Variants in PIWIL1 observed in about 807,000 individuals in gnomAD.
PIWIL1 encodes piwi like RNA-mediated gene silencing 1, also known as piwi-like protein 1.
Under a neutral mutation model 114.4 loss-of-function variants are expected in PIWIL1, and 73 were observed. That is an observed-to-expected ratio of 0.64 (90% CI 0.53 to 0.78). The LOEUF is 0.78. Ranked by LOEUF, PIWIL1 falls within the 30% of genes least tolerant of loss-of-function variation. The pLI, the probability that PIWIL1 is intolerant of heterozygous loss-of-function variation, is 0.00. For synonymous variants in PIWIL1, 375 were observed against 369.0 expected, an observed-to-expected ratio of 1.02 and a Z score of -0.19; for missense variants, 723 against 1,063.1, an observed-to-expected ratio of 0.68 and a Z score of 4.45.
chr12:130,389,851 C>T, the PIWIL1 span, among the ~76,000 whole-genome samples: 1 of 152,198 alleles, frequency 6.6e-6, no homozygotes, highest in East Asian at 1.9e-4. Context: ...TCCCTTGAAG[C>T]ATTGCTTTCC....
chr12:130,380,611 G>T, the PIWIL1 span, among the ~76,000 whole-genome samples: 233 of 152,316 alleles, frequency 1.5e-3, no homozygotes, highest in Middle Eastern at 3.4e-3. Flanking sequence ...TTGTCTGACT[G>T]ATTTGAAGGC....
At chr12:130,360,033 C>T (rs764538069) in intron 14 of PIWIL1, among the ~76,000 whole-genome samples, 1 of 152,146 alleles carries the variant, frequency 6.6e-6, no homozygotes, top group African/African-American at 2.4e-5. Flanking sequence ...TGTGGGGTAT[C>T]GAGTGCTAGG....
chr12:130,349,066 ATGT>A (rs761736666), intron 7 of PIWIL1, among the ~76,000 whole-genome samples, 170 bp from the exon 8 acceptor site: 8 of 152,328 alleles, frequency 5.3e-5, no homozygotes, highest in Middle Eastern at 3.4e-3. Flanking sequence ...AATTATTATA[ATGT>A]TGTTGAAGGT....
the PIWIL1 span, chr12:130,424,553 G>A: frequency 8.1e-7 from 1 of 1,231,986 alleles, no homozygotes; most frequent in Non-Finnish European, 1.0e-6. This position sits in a 1 kb window ranked among gnomAD's most constrained non-coding sequence, Gnocchi z 9.8. Context: ...TGAACCGACA[G>A]CCCCTGTCTT....
At chr12:130,419,180 G>C in the PIWIL1 span, among the ~76,000 whole-genome samples, 1 of 152,190 alleles carries the variant, frequency 6.6e-6, no homozygotes, top group African/African-American at 2.4e-5. This position sits in a 1 kb window ranked among gnomAD's most constrained non-coding sequence, Gnocchi z 4.3. Flanking sequence ...CTGGGCAGTT[G>C]GGGGTCCCTT....
At chr12:130,410,369 T>C in the PIWIL1 span, among the ~76,000 whole-genome samples, 1 of 152,190 alleles carries the variant, frequency 6.6e-6, no homozygotes, top group East Asian at 1.9e-4. Context: ...AGTATTTAAT[T>C]TTGGTGAAGC....
At chr12:130,386,440 ACCCC>A in the PIWIL1 span, among the ~76,000 whole-genome samples, 3 of 104,594 alleles carry the variant, frequency 2.9e-5, no homozygotes, top group Admixed American at 9.5e-5. Context: ...CATGCACACT[ACCCC>A]TTCCTGTCTC....
chr12:130,408,920 C>T, the PIWIL1 span, among the ~76,000 whole-genome samples: 5 of 152,176 alleles, frequency 3.3e-5, no homozygotes, highest in Admixed American at 3.3e-4. Context: ...TTACTCTCCC[C>T]TTGGGTTCTG....
chr12:130,355,708 C>A, intron 12 of PIWIL1, 41 bp downstream of exon 12: 1 of 1,354,078 alleles, frequency 7.4e-7, no homozygotes, highest in Non-Finnish European at 1.1e-6. Context: ...GTTTTTGAGA[C>A]GGAGTCTCGC....
At chr12:130,411,734 T>C in the PIWIL1 span, among the ~76,000 whole-genome samples, 18 of 152,184 alleles carry the variant, frequency 1.2e-4, no homozygotes, top group African/African-American at 4.3e-4. Context: ...ATCTTCGATC[T>C]CATGGATTTA....
chr12:130,368,209 G>A (rs1302454181), intron 19 of PIWIL1, among the ~76,000 whole-genome samples: 1 of 152,170 alleles, frequency 6.6e-6, no homozygotes, highest in Non-Finnish European at 1.5e-5. Context: ...AGTTGACACT[G>A]TACTCAGGAC....
downstream of PIWIL1, chr12:130,372,783 T>C (rs777729041): frequency 1.3e-5 from 2 of 152,124 alleles, no homozygotes; most frequent in Non-Finnish European, 2.9e-5. Flanking sequence ...TGTTGTGAAG[T>C]TGGTAATTGT....
intron 19 of PIWIL1, among the ~76,000 whole-genome samples, chr12:130,367,677 C>T (rs1357726445): frequency 6.6e-6 from 1 of 152,200 alleles, no homozygotes; most frequent in Non-Finnish European, 1.5e-5. Flanking sequence ...AAAGTGGCTT[C>T]TGAGCCGAGC....
In PIWIL1 at chr12:130,363,012, G is replaced by A. The variant is rs2073556969; in HGVS notation, c.2063G>A (p.Ser688Asn). ...CLQAALRAWNSCNEYMPSRII... is the reference protein window; with the variant it reads ...CLQAALRAWNNCNEYMPSRII... The stretch of plus-strand genomic sequence containing the variant: ...TCAGCGGCTCTGAGGGCTTGGAATA[G>A]CTGCAATGAGTACATGCCCAGCCGG... The change falls in exon 18 of 21, where the codon AGC (serine) becomes AAC (asparagine). Residue 688 changes from serine (S) to asparagine (N), a missense_variant. Around this residue, in one of 8 missense-constraint regions of PIWIL1, gnomAD observed 31 missense variants for 30.2 expected, o/e 1.03. Coordinates refer to ENST00000245255, the MANE Select transcript of PIWIL1 (RefSeq NM_004764.5). The A allele has an allele frequency of 6.2e-7, 1 of 1,614,154 alleles. No homozygotes were observed.
the PIWIL1 span, chr12:130,424,976 G>T: frequency 7.8e-5 from 40 of 513,454 alleles, 1 homozygote; most frequent in Middle Eastern, 5.6e-4. The surrounding 1 kb of genome is among the most constrained non-coding windows in gnomAD (Gnocchi z 9.8). Flanking sequence ...CCGAGGGGGG[G>T]GAAGCATGCG....
the PIWIL1 span, among the ~76,000 whole-genome samples, chr12:130,412,133 T>C: frequency 6.0e-4 from 91 of 152,282 alleles, no homozygotes; most frequent in Admixed American, 1.1e-3. Context: ...TCACTGGTGC[T>C]TGCAGACTGG....
chr12:130,399,664 A>G, the PIWIL1 span: 1 of 1,613,970 alleles, frequency 6.2e-7, no homozygotes, highest in African/African-American at 1.3e-5. Flanking sequence ...AAAAAGGCTA[A>G]ATAGGTTTGC....
At chr12:130,419,405 A>T in the PIWIL1 span, 1 of 152,206 alleles carries the variant, frequency 6.6e-6, no homozygotes, top group African/African-American at 2.4e-5. The surrounding 1 kb of genome is among the most constrained non-coding windows in gnomAD (Gnocchi z 4.3). Flanking sequence ...CCATAAGAAT[A>T]AGCACCGTCT....
the PIWIL1 span, chr12:130,398,894 A>G: frequency 2.9e-4 from 83 of 283,922 alleles, no homozygotes; most frequent in East Asian, 4.8e-3. Context: ...AAATAGTAGG[A>G]AATGATTATT....
Sources: gnomAD v4.1 joint callset for allele counts (sites outside exome capture counted in the v4.1 genomes callset) on GRCh38, gnomAD v4.1.1 for gene constraint, gnomAD v4.1.1 regional missense constraint, Gnocchi (gnomAD v3.1) non-coding constraint, MANE v1.5 for transcripts, NCBI Gene and HGNC (gene_info 2026-07-23, HGNC 2026-07-21) for gene names.